Variants in ATP2B3 observed in about 807,000 individuals in gnomAD.
The protein encoded by ATP2B3 is ATPase plasma membrane Ca2+ transporting 3.
Under a neutral mutation model 70.8 loss-of-function variants are expected in ATP2B3, and 12 were observed. The observed-to-expected ratio is 0.17, with a 90% CI of 0.11 to 0.27. The LOEUF (loss-of-function observed/expected upper bound fraction) is 0.27. Among genes scored for constraint, ATP2B3 ranks in the 10% least tolerant of loss-of-function variants. The probability of loss-of-function intolerance (pLI) is 1.00; values close to 1 mark genes in which losing one functional copy is unlikely to be tolerated. For missense variants in ATP2B3, 858 were observed against 1,118.5 expected (o/e 0.77, Z 3.32); for synonymous variants, 460 against 497.8 (o/e 0.92, Z 1.01).
intron 17 of ATP2B3, chrX:153,559,473 T>G (rs1275557046): frequency 2.5e-6 from 1 of 394,419 alleles, no homozygotes; most frequent in Non-Finnish European, 4.4e-6. Flanking sequence ...TGTTTTGTGG[T>G]CTGGGGTTTT....
At position 153,569,312 on chromosome X, in the gene ATP2B3, G is replaced by A. The variant is rs139078412; in HGVS notation, c.3342+4209G>A. ...CTTCCTGATAAGTGGCTTGCAAGGG[G>A]CATTTCTGACATGTTTGCAGTGTGC... On this transcript the variant is annotated intron_variant, in intron 21 of 21. Coordinates refer to ENST00000263519, the MANE Select transcript of ATP2B3 (RefSeq NM_001001344.3). 4,501 of 539,709 alleles carry A rather than the reference G, an allele frequency of 8.3e-3. 30 individuals are homozygous for A. Among genetic ancestry groups the A allele is most frequent in the Admixed American group, 0.01 (447 of 44,336 alleles). 44.5% of individuals were successfully genotyped at this position (539,709 alleles called of 1,213,427 possible).
At chrX:153,562,098 C>T (rs931886055) in intron 19 of ATP2B3, 37 bp from the exon 20 acceptor site, 35 of 1,174,904 alleles carry the variant, frequency 3.0e-5, no homozygotes, top group East Asian at 5.9e-5. Flanking sequence ...TCAGGAGCCG[C>T]GGCTGGACCT....
At chrX:153,529,735 T>C (rs1056999828) in intron 2 of ATP2B3, among the ~76,000 whole-genome samples, 2 of 109,448 alleles carry the variant, frequency 1.8e-5, no homozygotes, top group African/African-American at 6.6e-5. Flanking sequence ...CCCCAGCCCA[T>C]GGCACCCACC....
Position 153,556,387 on chromosome X carries a change from G to A in ATP2B3, c.2295G>A (p.Ser765=), listed in dbSNP as rs781959452. The change falls in exon 15 of 22, where the codon TCG becomes TCA. Residue 765 remains serine (S), a synonymous_variant. Coordinates refer to ENST00000263519, the MANE Select transcript of ATP2B3 (RefSeq NM_001001344.3). ...CCAAGCTGAGGGTGCTGGCCCGGTC[G>A]TCTCCCACCGACAAGCACACACTGG... ...VWPKLRVLAR[S]SPTDKHTLVK... 19 of 1,203,739 alleles carry A rather than the reference G, an allele frequency of 1.6e-5. No individual in the cohort carries two copies. The highest frequency in any genetic ancestry group is 3.0e-5 in the East Asian group (1 of 33,561).
At chrX:153,574,793 T>C (rs782118492) in intron 21 of ATP2B3, 4 of 329,229 alleles carry the variant, frequency 1.2e-5, no homozygotes, top group African/African-American at 2.7e-5. Context: ...CCCATGCACA[T>C]GGCGGGCACC....
At chrX:153,557,290 G>A (rs1370588722) in intron 16 of ATP2B3, among the ~76,000 whole-genome samples, 4 of 112,012 alleles carry the variant, frequency 3.6e-5, no homozygotes, top group African/African-American at 1.3e-4. Flanking sequence ...GGGGGTGGGG[G>A]CTCATCACTG....
rs111317380 is a variant in ATP2B3, at chrX:153,580,144, G to A, written c.3509G>A (p.Arg1170His). Residue 1170 changes from arginine (R) to histidine (H), a missense_variant, in exon 22 of 22, where the codon CGC becomes CAC. Around this residue, in one of 5 missense-constraint regions of ATP2B3, gnomAD observed 265 missense variants for 305.3 expected, o/e 0.87. Coordinates refer to ENST00000263519, the MANE Select transcript of ATP2B3 (RefSeq NM_001001344.3). ...DDTDVDENEERLRAPPPPSPN... is the reference protein window; with the variant it reads ...DDTDVDENEEHLRAPPPPSPN... ...ACGGACGTGGACGAGAACGAGGAGC[G>A]CCTCCGGGCCCCCCCGCCCCCGTCC... The A allele has an allele frequency of 2.5e-5, 30 of 1,210,178 alleles. No individual in the cohort carries two copies. Among genetic ancestry groups the A allele is most frequent in the African/African-American group, 1.0e-4 (6 of 57,172 alleles).
At chrX:153,559,654 A>G in intron 17 of ATP2B3, 75 bp from the exon 18 acceptor site, 1 of 929,676 alleles carries the variant, frequency 1.1e-6, no homozygotes, top group Non-Finnish European at 1.5e-6. Context: ...AGGAGCCCCC[A>G]GGAGCTACTG....
intron 16 of ATP2B3, 71 bp downstream of exon 16, chrX:153,557,094 T>C: frequency 9.7e-7 from 1 of 1,026,638 alleles, no homozygotes; most frequent in Non-Finnish European, 1.3e-6. Flanking sequence ...GACATTAGCT[T>C]TGTACCAGGA....
chrX:153,533,407 G>A (rs782509720), intron 2 of ATP2B3, among the ~76,000 whole-genome samples: 2 of 111,733 alleles, frequency 1.8e-5, no homozygotes, highest in South Asian at 3.7e-4. Flanking sequence ...GAGGGCGTGC[G>A]GTCGGGGCTC....
rs182966814 is a variant in ATP2B3, at chrX:153,541,576, G to A, written c.406+20G>A. The A allele has an allele frequency of 7.0e-3, 8,460 of 1,208,365 alleles. 377 individuals are homozygous for A. The African/African-American group carries it at 0.12, about 18-fold the overall frequency. Reference sequence around the variant, plus strand: ...GTGAAGGTAAGGCCCGGGGGCCTGGGCTGGAAGGAGGAAGAGGAATGGGGC... The same window carrying A: ...GTGAAGGTAAGGCCCGGGGGCCTGGACTGGAAGGAGGAAGAGGAATGGGGC... On this transcript the variant is annotated intron_variant, in intron 4 of 21. Transcript: ENST00000263519.
At chrX:153,561,958 C>T (rs2090631531) in intron 19 of ATP2B3, among the ~76,000 whole-genome samples, 177 bp from the exon 20 acceptor site, 1 of 112,530 alleles carries the variant, frequency 8.9e-6, no homozygotes, top group Non-Finnish European at 1.9e-5. Context: ...CACCCAGGGG[C>T]GCTGGGGGCC....
At chrX:153,539,565 T>TGGGCTG (rs1356383303) in intron 3 of ATP2B3, among the ~76,000 whole-genome samples, 1 of 113,269 alleles carries the variant, frequency 8.8e-6, no homozygotes, top group Non-Finnish European at 1.9e-5. Flanking sequence ...GAGTGCCCCA[T>TGGGCTG]GGGCTGGGGC....
intron 2 of ATP2B3, among the ~76,000 whole-genome samples, chrX:153,533,863 G>A (rs1029813462): frequency 8.9e-6 from 1 of 111,820 alleles, no homozygotes; most frequent in Non-Finnish European, 1.9e-5. Flanking sequence ...GGCAGGGACC[G>A]GGTGGGGGAG....
chrX:153,550,611 C>T (rs969157769), intron 12 of ATP2B3, among the ~76,000 whole-genome samples: 3 of 112,111 alleles, frequency 2.7e-5, no homozygotes, highest in Admixed American at 9.4e-5. Flanking sequence ...TTGTGTCTGG[C>T]TTCTTTCCTT....
chrX:153,574,908 G>A (rs1431908854), intron 21 of ATP2B3: 4 of 326,031 alleles, frequency 1.2e-5, no homozygotes, highest in East Asian at 2.0e-4. Flanking sequence ...AGTCTGCAGC[G>A]TCACCCGCCC....
intron 16 of ATP2B3, among the ~76,000 whole-genome samples, chrX:153,557,749 C>T (rs1167610292): frequency 9.0e-6 from 1 of 111,080 alleles, no homozygotes; most frequent in East Asian, 2.8e-4. Context: ...TCCCAGGGCT[C>T]CTTAGCCAGC....
Position 153,541,751 on chromosome X carries a change from C to G in ATP2B3, c.489C>G (p.Ser163=), listed in dbSNP as rs1557006528. 7 of 1,211,579 alleles carry G rather than the reference C, an allele frequency of 5.8e-6. No individual in the cohort carries two copies. The highest frequency in any genetic ancestry group is 7.8e-6 in the Non-Finnish European group (7 of 895,512). ...GWIEGAAILL[S]VICVVLVTAF... is the part of the protein sequence containing the mutation. The stretch of plus-strand genomic sequence containing the variant: ...TCGAGGGGGCTGCCATCCTGCTGTC[C>G]GTCATCTGTGTGGTGCTGGTCACGG... The change falls in exon 5 of 22, where the codon TCC becomes TCG. Residue 163 remains serine (S), a synonymous_variant. Transcript: ENST00000263519.
At chrX:153,570,626 C>T (rs992759497) in intron 21 of ATP2B3, among the ~76,000 whole-genome samples, 4 of 112,126 alleles carry the variant, frequency 3.6e-5, no homozygotes, top group Non-Finnish European at 7.5e-5. Context: ...GCCAGGCAGC[C>T]TGCTTTTTCC....
Sources: allele counts gnomAD v4.1 joint callset (sites outside exome capture counted in the v4.1 genomes callset), GRCh38; gene constraint gnomAD v4.1.1; regional missense constraint gnomAD v4.1.1; transcripts MANE v1.5; gene names NCBI Gene and HGNC (gene_info 2026-07-23, HGNC 2026-07-21).